The following BAZ2B variants were observed in gnomAD, a reference collection of about 807,000 sequenced individuals.
BAZ2B encodes the protein bromodomain adjacent to zinc finger domain 2B.
In BAZ2B, 91 loss-of-function variants were observed where a neutral mutation model predicts 246.0. The observed-to-expected ratio is 0.37, with a 90% CI of 0.31 to 0.44. The LOEUF (loss-of-function observed/expected upper bound fraction) is 0.44. BAZ2B is among the 20% of genes least tolerant of loss of function. BAZ2B has a pLI of 1.00. For synonymous variants in BAZ2B, 855 were observed against 860.0 expected, an observed-to-expected ratio of 0.99 and a Z score of 0.10; for missense variants, 2,332 against 2,533.7, an observed-to-expected ratio of 0.92 and a Z score of 1.71.
chr2:159,439,242 T>C (rs1445251349), intron 6 of BAZ2B, 30 bp from the exon 7 acceptor site: 1 of 1,564,744 alleles, frequency 6.4e-7, no homozygotes. Flanking sequence ...TTGGCAAGAC[T>C]TTATTTTTGG....
intron 27 of BAZ2B, 67 bp from the exon 28 acceptor site, chr2:159,350,424 C>T: frequency 7.6e-7 from 1 of 1,319,026 alleles, no homozygotes; most frequent in South Asian, 1.6e-5. Flanking sequence ...AATTAAATTT[C>T]ATTACTCTTT....
rs1231720876 is a variant in BAZ2B, at chr2:159,431,077, A to G, written c.1980T>C (p.Asp660=). 7 of 1,614,000 alleles carry G rather than the reference A, an allele frequency of 4.3e-6. No homozygotes were observed. Among genetic ancestry groups the G allele is most frequent in the East Asian group, 4.5e-5 (2 of 44,876 alleles). ...DDDDKDQDES[D]SDTEGEKTSM... ...AAGTTTTCTCTCCTTCAGTATCACT[A>G]TCTGATTCATCTTGGTCTTTATCAT... The change falls in exon 10 of 37, where the codon GAT becomes GAC. Residue 660 remains aspartate (D), a synonymous_variant. Transcript: ENST00000392783.
chr2:159,551,543 C>T (rs1578299243), intron 2 of BAZ2B, among the ~76,000 whole-genome samples: 1 of 148,398 alleles, frequency 6.7e-6, no homozygotes, highest in East Asian at 2.0e-4. Flanking sequence ...ATAAGAATAT[C>T]TGAAGATAAA....
At position 159,404,002 on chromosome 2, in the gene BAZ2B, T is replaced by C. The variant is rs78681655; in HGVS notation, c.2832+847A>G. Among the ~76,000 whole-genome samples, 1,164 of 152,256 alleles carry C rather than the reference T, an allele frequency of 7.6e-3. 48 individuals carry two copies. In the East Asian group the frequency reaches 0.092, roughly 12 times the overall value. On this transcript the variant is annotated intron_variant, in intron 16 of 36. Coordinates refer to ENST00000392783, the MANE Select transcript of BAZ2B (RefSeq NM_013450.4). ...CTAGTCATATTGCTTTAGTTAATACTGGAAGAAACCTTGGAGATAACCACA... is the reference window on the plus strand; with the variant it reads ...CTAGTCATATTGCTTTAGTTAATACCGGAAGAAACCTTGGAGATAACCACA...
chr2:159,572,298 G>A (rs1367616097), intron 1 of BAZ2B, among the ~76,000 whole-genome samples: 2 of 152,108 alleles, frequency 1.3e-5, no homozygotes, highest in African/African-American at 4.8e-5. Context: ...AAACTGAAGG[G>A]GGTTGTGGGA....
intron 2 of BAZ2B, among the ~76,000 whole-genome samples, chr2:159,506,889 AG>A (rs1477316575): frequency 2.0e-5 from 3 of 152,214 alleles, no homozygotes; most frequent in Non-Finnish European, 4.4e-5. Context: ...TTCAAGCAAG[AG>A]AATCTAACAA....
intron 2 of BAZ2B, among the ~76,000 whole-genome samples, chr2:159,496,314 T>G (rs2081130019): frequency 7.0e-6 from 1 of 143,446 alleles, no homozygotes; most frequent in Non-Finnish European, 1.5e-5. Context: ...AGGCGGAGGT[T>G]GCAGTAAGCC....
At chr2:159,367,775 C>G (rs555005734) in intron 27 of BAZ2B, among the ~76,000 whole-genome samples, 8 of 152,142 alleles carry the variant, frequency 5.3e-5, no homozygotes, top group African/African-American at 1.7e-4. Flanking sequence ...GTAGTCCCAG[C>G]TACTTGGGAG....
At chr2:159,648,613 T>G in the BAZ2B span, among the ~76,000 whole-genome samples, 1 of 152,230 alleles carries the variant, frequency 6.6e-6, no homozygotes, top group Non-Finnish European at 1.5e-5. Flanking sequence ...CCATTCAGTA[T>G]AATTTTCAGA....
chr2:159,447,991 C>T (rs1308345568), intron 5 of BAZ2B, among the ~76,000 whole-genome samples: 6 of 151,818 alleles, frequency 4.0e-5, no homozygotes, highest in African/African-American at 1.5e-4. Flanking sequence ...CGTAGCTGGG[C>T]ATAGTGGTAC....
At chr2:159,413,151 T>TCA (rs1172997533) in intron 13 of BAZ2B, among the ~76,000 whole-genome samples, 1 of 152,004 alleles carries the variant, frequency 6.6e-6, no homozygotes, top group South Asian at 2.1e-4. Flanking sequence ...GTACTGCCCC[T>TCA]CACACACACA....
intron 6 of BAZ2B, among the ~76,000 whole-genome samples, chr2:159,442,147 G>A (rs1266122306): frequency 1.3e-5 from 2 of 152,134 alleles, no homozygotes; most frequent in Non-Finnish European, 2.9e-5. Context: ...TGGGGAGTGG[G>A]GTGGGGTTTT....
At chr2:159,466,702 A>G (rs897457860) in intron 3 of BAZ2B, among the ~76,000 whole-genome samples, 1 of 152,158 alleles carries the variant, frequency 6.6e-6, no homozygotes, top group African/African-American at 2.4e-5. Context: ...GACCCAGGAA[A>G]GCTGGTGGTA....
chr2:159,588,385 A>G (rs1242344856), intron 1 of BAZ2B, among the ~76,000 whole-genome samples: 1 of 152,006 alleles, frequency 6.6e-6, no homozygotes, highest in Non-Finnish European at 1.5e-5. Context: ...TAGGCTGGGT[A>G]TAGTGGTTCA....
At chr2:159,405,208 T>C (rs1287836549) in intron 14 of BAZ2B, 94 bp from the exon 15 acceptor site, 60 of 1,025,860 alleles carry the variant, frequency 5.8e-5, no homozygotes, top group Non-Finnish European at 7.7e-5. Flanking sequence ...TCATAAAGGA[T>C]ATAATTATTA....
At chr2:159,404,716 G>T in intron 16 of BAZ2B, 133 bp downstream of exon 16, 3 of 763,236 alleles carry the variant, frequency 3.9e-6, no homozygotes, top group Non-Finnish European at 5.9e-6. Flanking sequence ...ATAGAAGATA[G>T]CAACTTTCTA....
chr2:159,690,748 A>G, the BAZ2B span, among the ~76,000 whole-genome samples: 2 of 152,210 alleles, frequency 1.3e-5, no homozygotes, highest in African/African-American at 4.8e-5. Flanking sequence ...ATACAAAACC[A>G]AGTATATATG....
chr2:159,347,477 C>A lies in BAZ2B; in HGVS notation c.5454+9G>T. 1.2e-6 allele frequency: 2 copies of A among 1,611,504 alleles called. No individual in the cohort carries two copies. The highest frequency in any genetic ancestry group is 1.1e-5 in the South Asian group (1 of 90,928). On this transcript the variant is annotated intron_variant, in intron 31 of 36. Coordinates refer to ENST00000392783, the MANE Select transcript of BAZ2B (RefSeq NM_013450.4). ...CCTAAAAACATATTTTATTCCAAGT[C>A]GATTTTACCTTCACTTGCAAACTTG...
intron 27 of BAZ2B, among the ~76,000 whole-genome samples, chr2:159,362,609 G>A (rs2059830222): frequency 6.6e-6 from 1 of 152,156 alleles, no homozygotes; most frequent in Non-Finnish European, 1.5e-5. Flanking sequence ...TTGTACTACA[G>A]TTGGTGCCCA....
Sources: gnomAD v4.1 joint callset for allele counts (sites outside exome capture counted in the v4.1 genomes callset) on GRCh38, gnomAD v4.1.1 for gene constraint, MANE v1.5 for transcripts, NCBI Gene and HGNC (gene_info 2026-07-23, HGNC 2026-07-21) for gene names.